Variants in ARFIP1 observed in about 807,000 individuals in gnomAD.
ARFIP1 encodes the protein ARF interacting protein 1.
Under a neutral mutation model 42.5 loss-of-function variants are expected in ARFIP1, and 24 were observed. The observed-to-expected ratio is 0.57, with a 90% CI of 0.41 to 0.80. The LOEUF (loss-of-function observed/expected upper bound fraction) is 0.80. Ranked by LOEUF, ARFIP1 falls within the 30% of genes least tolerant of loss-of-function variation. The pLI, the probability that ARFIP1 is intolerant of heterozygous loss-of-function variation, is 0.00. For missense variants in ARFIP1, 354 were observed against 434.0 expected (o/e 0.82, Z 1.64); for synonymous variants, 141 against 153.7 (o/e 0.92, Z 0.61).
chr4:152,801,080 TGA>T (rs1401083145), intron 1 of ARFIP1, among the ~76,000 whole-genome samples: 1 of 152,144 alleles, frequency 6.6e-6, no homozygotes. Context: ...AGTGTCAAGC[TGA>T]GGAGTCGGCT....
At chr4:152,813,580 T>C (rs919343002) in intron 1 of ARFIP1, among the ~76,000 whole-genome samples, 1 of 152,248 alleles carries the variant, frequency 6.6e-6, no homozygotes, top group Non-Finnish European at 1.5e-5. Context: ...CATTATACTT[T>C]TAGTGGTTGC....
intron 2 of ARFIP1, among the ~76,000 whole-genome samples, chr4:152,838,653 C>T (rs1731840224): frequency 6.6e-6 from 1 of 152,040 alleles, no homozygotes; most frequent in South Asian, 2.1e-4. Flanking sequence ...TTTGCTGAAT[C>T]CTTTGATCAG....
chr4:152,788,964 T>G (rs1730983809), intron 1 of ARFIP1, among the ~76,000 whole-genome samples: 2 of 152,000 alleles, frequency 1.3e-5, no homozygotes, highest in Admixed American at 6.6e-5. Context: ...TTTTGTAGAC[T>G]GTCCCTCAGT....
intron 1 of ARFIP1, among the ~76,000 whole-genome samples, chr4:152,817,006 A>G (rs1729945665): frequency 6.6e-6 from 1 of 152,196 alleles, no homozygotes; most frequent in Non-Finnish European, 1.5e-5. Context: ...ATAATTTTTT[A>G]TCTGCCAAAA....
At chr4:152,786,676 C>G (rs1396107047) in intron 1 of ARFIP1, among the ~76,000 whole-genome samples, 1 of 152,198 alleles carries the variant, frequency 6.6e-6, no homozygotes, top group African/African-American at 2.4e-5. Flanking sequence ...CTTCCTCCCC[C>G]AGTGCTTTTA....
At chr4:152,870,094 A>G (rs750733349) in intron 3 of ARFIP1, among the ~76,000 whole-genome samples, 15 of 152,226 alleles carry the variant, frequency 9.9e-5, no homozygotes, top group Admixed American at 3.9e-4. Flanking sequence ...CACCTGGGGA[A>G]ATCTTATGAA....
chr4:152,878,729 C>T (rs144415623), intron 5 of ARFIP1, among the ~76,000 whole-genome samples: 106 of 152,232 alleles, frequency 7.0e-4, no homozygotes, highest in Admixed American at 5.6e-3. Flanking sequence ...TGCTTGTAAC[C>T]GTTATTTCTG....
At chr4:152,880,481 C>G (rs562023528) in intron 5 of ARFIP1, among the ~76,000 whole-genome samples, 1 of 152,236 alleles carries the variant, frequency 6.6e-6, no homozygotes, top group South Asian at 2.1e-4. Flanking sequence ...TCTTCCCCCC[C>G]GCTTTCATTC....
At chr4:152,872,994 T>A (rs1213621359) in intron 5 of ARFIP1, among the ~76,000 whole-genome samples, 3 of 152,260 alleles carry the variant, frequency 2.0e-5, no homozygotes, top group African/African-American at 7.2e-5. Flanking sequence ...AACACCAGAT[T>A]GCAAATTAGT....
intron 1 of ARFIP1, among the ~76,000 whole-genome samples, chr4:152,803,566 A>G (rs1162122058): frequency 6.6e-6 from 1 of 152,298 alleles, no homozygotes; most frequent in East Asian, 1.9e-4. Context: ...CACCCCCAAC[A>G]TCCCCAGTTT....
At chr4:152,843,492 G>A (rs529811712) in intron 2 of ARFIP1, among the ~76,000 whole-genome samples, 2 of 151,110 alleles carry the variant, frequency 1.3e-5, no homozygotes, top group African/African-American at 2.4e-5. Context: ...AGGAGTATAC[G>A]CATTTGTCTT....
intron 4 of ARFIP1, among the ~76,000 whole-genome samples, chr4:152,871,218 A>G (rs938219865): frequency 6.6e-6 from 1 of 152,166 alleles, no homozygotes; most frequent in Non-Finnish European, 1.5e-5. Flanking sequence ...AACCTTCAAC[A>G]ATTAGGTTGG....
intron 1 of ARFIP1, among the ~76,000 whole-genome samples, chr4:152,792,604 T>C (rs1185331645): frequency 6.6e-6 from 1 of 152,136 alleles, no homozygotes; most frequent in Non-Finnish European, 1.5e-5. Flanking sequence ...GACTTCTGAA[T>C]CTTTAAACTC....
intron 1 of ARFIP1, among the ~76,000 whole-genome samples, chr4:152,784,601 T>TA (rs1385227305): frequency 1.3e-5 from 2 of 152,260 alleles, no homozygotes; most frequent in Non-Finnish European, 2.9e-5. Context: ...AATCTTCTTC[T>TA]AGTATGACTG....
intron 2 of ARFIP1, among the ~76,000 whole-genome samples, chr4:152,852,614 A>G (rs1733086734): frequency 6.6e-6 from 1 of 151,984 alleles, no homozygotes; most frequent in African/African-American, 2.4e-5. Flanking sequence ...GCCAGGTGAC[A>G]GAGCGAGACT....
chr4:152,873,561 CTCT>C (rs1203582473), intron 5 of ARFIP1, among the ~76,000 whole-genome samples: 4 of 152,248 alleles, frequency 2.6e-5, no homozygotes, highest in Admixed American at 2.0e-4. Flanking sequence ...TTAAACTAAA[CTCT>C]TCTTCTAAAA....
chr4:152,829,601 G>A (rs183711375), intron 1 of ARFIP1, 24 bp from the exon 2 acceptor site: 112 of 1,524,222 alleles, frequency 7.3e-5, no homozygotes, highest in Middle Eastern at 1.7e-4. Flanking sequence ...TAGTTACGGC[G>A]CTTTTTTTCT....
At position 152,910,799 on chromosome 4, in the gene ARFIP1, CTG is replaced by C. The variant is rs1198481999; in HGVS notation, c.*582_*583del. 6.6e-6 allele frequency: 1 copy of C among 152,154 alleles called. No homozygotes were observed. Among genetic ancestry groups the C allele is most frequent in the Non-Finnish European group, 1.5e-5 (1 of 68,030 alleles). 9.4% of individuals were successfully genotyped at this position (152,154 alleles called of 1,614,324 possible). A position where few individuals can be genotyped will look rare whatever the true frequency, so the allele number is the denominator to read the frequency against. On this transcript the variant is annotated 3_prime_UTR_variant, in exon 9 of 9. Transcript: ENST00000353617. The stretch of plus-strand genomic sequence containing the variant: ...CCTTTTTAAAAATGAATCTGTACCA[CTG>C]TAATTTTATTTAGACTTTTTTTTAA...
intron 3 of ARFIP1, among the ~76,000 whole-genome samples, chr4:152,868,334 G>A (rs1469766437): frequency 6.6e-6 from 1 of 152,216 alleles, no homozygotes; most frequent in East Asian, 1.9e-4. Flanking sequence ...CTAGATTTTT[G>A]TTGTTGAGAT....
Sources: gnomAD v4.1 joint callset for allele counts (sites outside exome capture counted in the v4.1 genomes callset) on GRCh38, gnomAD v4.1.1 for gene constraint, MANE v1.5 for transcripts, NCBI Gene and HGNC (gene_info 2026-07-23, HGNC 2026-07-21) for gene names.